Variants in FGR observed in about 807,000 individuals in gnomAD.
The protein encoded by FGR is FGR proto-oncogene, Src family tyrosine kinase.
A neutral mutation model predicts 63.2 loss-of-function variants in FGR; 26 were observed. That is an observed-to-expected ratio of 0.41 (90% confidence interval 0.30 to 0.57). FGR has a LOEUF of 0.57. FGR is among the 20% of genes least tolerant of loss of function. The probability of loss-of-function intolerance (pLI) is 0.27; values close to 1 mark genes in which losing one functional copy is unlikely to be tolerated. For synonymous variants in FGR, 286 were observed against 277.7 expected (o/e 1.03, Z -0.30); for missense variants, 511 against 690.8 (o/e 0.74, Z 2.92).
intron 1 of FGR, among the ~76,000 whole-genome samples, chr1:27,630,142 T>G (rs2090084543): frequency 6.6e-6 from 1 of 152,166 alleles, no homozygotes; most frequent in Admixed American, 6.5e-5. Context: ...AACCTCCGCC[T>G]CCTGGGTTCA....
intron 1 of FGR, chr1:27,626,445 C>T: frequency 2.8e-6 from 1 of 360,338 alleles, no homozygotes; most frequent in Non-Finnish European, 4.9e-6. Flanking sequence ...ATCCTTTCTA[C>T]CTAGCACCAC....
intron 1 of FGR, among the ~76,000 whole-genome samples, chr1:27,628,397 C>T (rs1488148361): frequency 6.6e-6 from 1 of 151,942 alleles, no homozygotes; most frequent in Non-Finnish European, 1.5e-5. Context: ...GCTCCAGAAT[C>T]TGAGCTTTCA....
chr1:27,621,669 G>T lies in FGR; in HGVS notation c.330-12C>A. ...ACCAGTCACCTTCACTGTAGGCACA[G>T]AACAGGGCATGGTCAGCAGCACCTC... On this transcript the variant is annotated splice_polypyrimidine_tract_variant and intron_variant, in intron 4 of 12. Coordinates refer to ENST00000374005, the MANE Select transcript of FGR (RefSeq NM_005248.3). 2 of 1,606,728 alleles carry T rather than the reference G, an allele frequency of 1.2e-6. No individual in the cohort carries two copies. Among genetic ancestry groups the T allele is most frequent in the South Asian group, 1.1e-5 (1 of 90,922 alleles).
At chr1:27,614,223 A>G (rs2089753893) in intron 11 of FGR, among the ~76,000 whole-genome samples, 1 of 152,238 alleles carries the variant, frequency 6.6e-6, no homozygotes, top group South Asian at 2.1e-4. Flanking sequence ...GAGAAACGGC[A>G]GCTCCCAGAG....
At chr1:27,614,730 G>T in intron 10 of FGR, 120 bp downstream of exon 10, 1 of 1,324,560 alleles carries the variant, frequency 7.5e-7, no homozygotes, top group Non-Finnish European at 1.1e-6. Context: ...CTCAGGCACA[G>T]CTGGAGGCAC....
At chr1:27,633,665 C>T (rs981698065) in intron 1 of FGR, among the ~76,000 whole-genome samples, 4 of 152,224 alleles carry the variant, frequency 2.6e-5, no homozygotes, top group African/African-American at 9.7e-5. Context: ...CCTCCGGCCT[C>T]AGCCTCTGGA....
chr1:27,622,654 C>T lies in FGR; in HGVS notation c.329+388G>A, dbSNP rs367884201. Among the ~76,000 whole-genome samples, 25 of 152,138 alleles carry T rather than the reference C, an allele frequency of 1.6e-4. 1 individual carries two copies. The highest frequency in any genetic ancestry group is 5.5e-4 in the African/African-American group (23 of 41,492). On this transcript the variant is annotated intron_variant, in intron 4 of 12. Coordinates refer to ENST00000374005, the MANE Select transcript of FGR (RefSeq NM_005248.3). ...TCAAGTAGCTGGGATTACAGGCATG[C>T]GCCACCATGCCCTGCTAATTTTTGT... is the stretch of plus-strand genomic sequence containing the variant.
At chr1:27,619,348 A>G (rs903640810) in intron 5 of FGR, among the ~76,000 whole-genome samples, 6 of 151,904 alleles carry the variant, frequency 3.9e-5, no homozygotes. Context: ...CTGCCACTAC[A>G]CCCGGCTAAT....
rs1159169007 is a variant in FGR at position 27,617,129 on chromosome 1, C to T, written c.532+64G>A. On this transcript the variant is annotated intron_variant, in intron 6 of 12. Transcript: ENST00000374005. This position sits in a 1 kb window ranked among gnomAD's most constrained non-coding sequence, Gnocchi z 4.5. ...CTTGGCCTTAACCCAAGCAGCCTAC[C>T]GCTCCTAGCCCTACCCCAATGGCTG... 1.2e-5 allele frequency: 19 copies of T among 1,595,228 alleles called. No individual in the cohort carries two copies. The highest frequency in any genetic ancestry group is 3.7e-4 in the Middle Eastern group (2 of 5,424).
intron 2 of FGR, 82 bp from the exon 3 acceptor site, chr1:27,624,011 C>T (rs956073263): frequency 2.9e-5 from 35 of 1,209,456 alleles, no homozygotes; most frequent in African/African-American, 1.2e-4. Context: ...CATGCTCATA[C>T]GCTCATACAG....
Position 27,623,131 on chromosome 1 carries a change from G to C in FGR, c.240C>G (p.Thr80=). 1 of 1,613,836 alleles carries C rather than the reference G, an allele frequency of 6.2e-7. No homozygotes were observed. The highest frequency in any genetic ancestry group is 8.5e-7 in the Non-Finnish European group (1 of 1,179,744). ...TIRGVSGIGV[T]LFIALYDYEA... is the part of the protein sequence containing the mutation. ...CATAGTCATACAGGGCAATGAACAG[G>C]GTCACCCCAATCCCTGCAGAGTCAG... Residue 80 remains threonine (T), a synonymous_variant, in exon 4 of 13, where the codon ACC becomes ACG. Coordinates refer to ENST00000374005, the MANE Select transcript of FGR (RefSeq NM_005248.3).
At position 27,615,994 on chromosome 1, in the gene FGR, G is replaced by T. The variant is rs928278134; in HGVS notation, c.683-150C>A. On this transcript the variant is annotated intron_variant, in intron 7 of 12. Coordinates refer to ENST00000374005, the MANE Select transcript of FGR (RefSeq NM_005248.3). The surrounding 1 kb of genome is among the most constrained non-coding windows in gnomAD (Gnocchi z 7.6). The stretch of plus-strand genomic sequence containing the variant: ...CACAGGCCAGGAAGAAAGGCAACCC[G>T]ATCCACTAAATAGGGGAACATGTTG... The T allele has an allele frequency of 2.4e-6, 2 of 846,580 alleles. No homozygotes were observed. Among genetic ancestry groups the T allele is most frequent in the Non-Finnish European group, 1.8e-6 (1 of 567,302 alleles). 52.4% of individuals were successfully genotyped at this position (846,580 alleles called of 1,614,324 possible). A position where few individuals can be genotyped will look rare whatever the true frequency, so the allele number is the denominator to read the frequency against.
intron 1 of FGR, among the ~76,000 whole-genome samples, chr1:27,625,666 C>T (rs1281250553): frequency 1.3e-5 from 2 of 152,184 alleles, no homozygotes; most frequent in African/African-American, 2.4e-5. Flanking sequence ...TCCGGCCAGG[C>T]GCAGTGGCTC....
At position 27,615,384 on chromosome 1, in the gene FGR, C is replaced by G; in HGVS notation, c.1018+50G>C. The G allele has an allele frequency of 6.4e-7, 1 of 1,564,924 alleles. No individual in the cohort carries two copies. The highest frequency in any genetic ancestry group is 8.7e-7 in the Non-Finnish European group (1 of 1,147,784). On this transcript the variant is annotated intron_variant, in intron 9 of 12. Transcript: ENST00000374005. This position sits in a 1 kb window ranked among gnomAD's most constrained non-coding sequence, Gnocchi z 7.6. ...TCCCAGGTCCCACGCCTGAAAACTC[C>G]CCTCTTAACTTCACCCCGAATCCCG... is the stretch of plus-strand genomic sequence containing the variant.
rs1027386246 is a variant in FGR, at chr1:27,621,434, C to T, written c.428+125G>A. The T allele has an allele frequency of 1.6e-5, 11 of 672,550 alleles. No individual in the cohort carries two copies. The African/African-American group carries it at 2.0e-4, about 12-fold the overall frequency. 41.7% of individuals were successfully genotyped at this position (672,550 alleles called of 1,614,324 possible). ...AATCTTCTTTTGTTCTCACAATGAC[C>T]TTACAAAATTATTAGATAAGGAGAC... On this transcript the variant is annotated intron_variant, in intron 5 of 12. Transcript: ENST00000374005.
rs1274286210 is a variant in FGR at position 27,615,239 on chromosome 1, C to G, written c.1018+195G>C. 6.6e-6 allele frequency among the ~76,000 whole-genome samples: 1 copy of G among 152,168 alleles called. No individual in the cohort carries two copies. The highest frequency in any genetic ancestry group is 1.5e-5 in the Non-Finnish European group (1 of 68,030). The stretch of plus-strand genomic sequence containing the variant: ...CGCCTAACACCGGAGGCACCGCCCC[C>G]CTCCCCAGCTCCCTAGTGGTCTCAC... On this transcript the variant is annotated intron_variant, in intron 9 of 12. Transcript: ENST00000374005. The surrounding 1 kb of genome is among the most constrained non-coding windows in gnomAD (Gnocchi z 7.6).
intron 1 of FGR, among the ~76,000 whole-genome samples, chr1:27,629,859 TA>T (rs2090079580): frequency 6.6e-6 from 1 of 152,022 alleles, no homozygotes; most frequent in African/African-American, 2.4e-5. Flanking sequence ...ACATTGTGAG[TA>T]AAGGATGCTA....
chr1:27,622,933 T>G, intron 4 of FGR, 109 bp downstream of exon 4: 1 of 761,890 alleles, frequency 1.3e-6, no homozygotes, highest in Non-Finnish European at 2.3e-6. Flanking sequence ...TATGTATATG[T>G]GTTCCCAACT....
intron 5 of FGR, among the ~76,000 whole-genome samples, chr1:27,618,044 T>A (rs900817235): frequency 2.0e-5 from 3 of 152,150 alleles, no homozygotes; most frequent in African/African-American, 7.2e-5. Context: ...GTGGCCATCT[T>A]GGGTTGAATT....
Sources: gnomAD v4.1 joint callset for allele counts (sites outside exome capture counted in the v4.1 genomes callset) on GRCh38, gnomAD v4.1.1 for gene constraint, Gnocchi (gnomAD v3.1) non-coding constraint, MANE v1.5 for transcripts, NCBI Gene and HGNC (gene_info 2026-07-23, HGNC 2026-07-21) for gene names.